Variants in CACNG2 observed in about 807,000 individuals in gnomAD.
CACNG2 encodes calcium voltage-gated channel auxiliary subunit gamma 2, also known as voltage-dependent calcium channel gamma-2 subunit.
In CACNG2, 3 loss-of-function variants were observed where a neutral mutation model predicts 25.9. The ratio of observed to expected loss-of-function variants is 0.12; its 90% confidence interval spans 0.05 to 0.30. The LOEUF (loss-of-function observed/expected upper bound fraction) is 0.30. CACNG2 is among the 10% of genes least tolerant of loss of function. The probability of loss-of-function intolerance (pLI) is 1.00; values close to 1 mark genes in which losing one functional copy is unlikely to be tolerated. For synonymous variants in CACNG2, 167 were observed against 173.3 expected (o/e 0.96, Z 0.29); for missense variants, 341 against 432.5 (o/e 0.79, Z 1.88).
intron 2 of CACNG2, among the ~76,000 whole-genome samples, chr22:36,576,725 G>A (rs575051396): frequency 2.0e-5 from 3 of 152,150 alleles, no homozygotes; most frequent in Non-Finnish European, 2.9e-5. Context: ...GATGCAGCCC[G>A]CTTGGGGTCT....
At chr22:36,639,862 C>T (rs1013965602) in intron 1 of CACNG2, among the ~76,000 whole-genome samples, 5 of 152,262 alleles carry the variant, frequency 3.3e-5, no homozygotes, top group Admixed American at 3.3e-4. Flanking sequence ...ACCCTGAGGC[C>T]CTGTCATCTG....
At chr22:36,648,795 C>T (rs576380404) in intron 1 of CACNG2, among the ~76,000 whole-genome samples, 4 of 152,208 alleles carry the variant, frequency 2.6e-5, no homozygotes, top group South Asian at 4.2e-4. Context: ...TCTCCAATAC[C>T]GATCATATCC....
chr22:36,644,893 C>T (rs1936495901), intron 1 of CACNG2, among the ~76,000 whole-genome samples: 1 of 152,006 alleles, frequency 6.6e-6, no homozygotes, highest in Non-Finnish European at 1.5e-5. Context: ...GGATGACGAA[C>T]CTGGCAGAGT....
chr22:36,566,282 G>T, intron 3 of CACNG2, 71 bp downstream of exon 3: 1 of 1,442,026 alleles, frequency 6.9e-7, no homozygotes, highest in South Asian at 1.1e-5. Context: ...TCTCTGCCAG[G>T]CCCTCGTGGC....
intron 1 of CACNG2, among the ~76,000 whole-genome samples, chr22:36,693,595 A>T (rs529520021): frequency 2.0e-5 from 3 of 152,124 alleles, no homozygotes; most frequent in Non-Finnish European, 4.4e-5. Context: ...GCTGAAACAC[A>T]AATGTCTCTG....
At position 36,580,287 on chromosome 22, in the gene CACNG2, T is replaced by C. The variant is rs73413786; in HGVS notation, c.295+7178A>G. 4.9e-3 allele frequency among the ~76,000 whole-genome samples: 746 copies of C among 152,276 alleles called. 5 individuals carry two copies. The highest frequency in any genetic ancestry group is 0.017 in the African/African-American group (722 of 41,554). ...CCCCAGACGGCCATCGTATGGGTCC[T>C]CCCTGCCTTGGCCGCCTTCTGCCTC... On this transcript the variant is annotated intron_variant, in intron 2 of 3. Coordinates refer to ENST00000300105, the MANE Select transcript of CACNG2 (RefSeq NM_006078.5).
intron 1 of CACNG2, among the ~76,000 whole-genome samples, chr22:36,615,021 C>A (rs1015507181): frequency 6.6e-6 from 1 of 152,224 alleles, no homozygotes; most frequent in African/African-American, 2.4e-5. Flanking sequence ...CTTCCTATCT[C>A]CCTCTCTAGC....
chr22:36,696,527 C>T (rs1364353982), intron 1 of CACNG2, among the ~76,000 whole-genome samples: 2 of 152,330 alleles, frequency 1.3e-5, no homozygotes, highest in Admixed American at 1.3e-4. Context: ...GTCATGGGTT[C>T]ATTCATTAAC....
At chr22:36,616,499 C>T (rs888189626) in intron 1 of CACNG2, among the ~76,000 whole-genome samples, 22 of 152,270 alleles carry the variant, frequency 1.4e-4, no homozygotes, top group African/African-American at 5.3e-4. Context: ...CACCTGTCTC[C>T]CCAGCGAGAG....
intron 1 of CACNG2, among the ~76,000 whole-genome samples, chr22:36,690,730 T>C (rs1429120151): frequency 1.3e-5 from 2 of 152,194 alleles, no homozygotes; most frequent in Non-Finnish European, 1.5e-5. Flanking sequence ...TGAGCTGACA[T>C]GAACTCCAGG....
rs114264758 is a variant in CACNG2 at position 36,698,428 on chromosome 22, G to A, written c.211+3938C>T. Among the ~76,000 whole-genome samples, 1,363 of 152,284 alleles carry A rather than the reference G, an allele frequency of 9.0e-3. 17 individuals are homozygous for A. Among genetic ancestry groups the A allele is most frequent in the African/African-American group, 0.031 (1,286 of 41,540 alleles). On this transcript the variant is annotated intron_variant, in intron 1 of 3. Transcript: ENST00000300105. ...AGCCCACCCATGCTAGAAGGCAAGC[G>A]TGTCTGGGAAAGGCTATTGGCTTTC...
At chr22:36,578,188 C>T (rs1935357136) in intron 2 of CACNG2, among the ~76,000 whole-genome samples, 2 of 151,854 alleles carry the variant, frequency 1.3e-5, no homozygotes, top group Admixed American at 1.3e-4. Flanking sequence ...ATGGTGAAAC[C>T]CCGTCTCTAC....
At chr22:36,633,262 T>C (rs1408693767) in intron 1 of CACNG2, among the ~76,000 whole-genome samples, 1 of 152,268 alleles carries the variant, frequency 6.6e-6, no homozygotes, top group Non-Finnish European at 1.5e-5. Flanking sequence ...TATCTTCAGA[T>C]TCTATAACAG....
At chr22:36,572,468 G>A (rs895625441) in intron 2 of CACNG2, among the ~76,000 whole-genome samples, 2 of 152,176 alleles carry the variant, frequency 1.3e-5, no homozygotes, top group Non-Finnish European at 2.9e-5. Context: ...TTGGGAGGCC[G>A]AGGGGGCTGG....
At chr22:36,690,352 A>G (rs1162667785) in intron 1 of CACNG2, among the ~76,000 whole-genome samples, 1 of 109,700 alleles carries the variant, frequency 9.1e-6, no homozygotes, top group African/African-American at 3.3e-5. Context: ...GGTTACAAAA[A>G]TCTTTTTTTT....
intron 1 of CACNG2, among the ~76,000 whole-genome samples, chr22:36,643,630 G>A (rs1314780943): frequency 6.6e-6 from 1 of 152,096 alleles, no homozygotes; most frequent in African/African-American, 2.4e-5. Context: ...GAGAAGTAAA[G>A]AAACACCAAT....
intron 2 of CACNG2, among the ~76,000 whole-genome samples, chr22:36,581,605 C>T (rs926657563): frequency 6.6e-6 from 1 of 152,128 alleles, no homozygotes; most frequent in Admixed American, 6.5e-5. Context: ...GGGAGTTACC[C>T]CAGACACCTC....
intron 2 of CACNG2, among the ~76,000 whole-genome samples, chr22:36,573,126 C>T (rs1485542432): frequency 2.0e-5 from 3 of 152,130 alleles, no homozygotes; most frequent in East Asian, 1.9e-4. Flanking sequence ...TAGAGTATGC[C>T]GAGGACTGTT....
chr22:36,661,995 T>C (rs1205808152), intron 1 of CACNG2, among the ~76,000 whole-genome samples: 1 of 130,212 alleles, frequency 7.7e-6, no homozygotes, highest in African/African-American at 3.6e-5. Flanking sequence ...TTTTTTTTTT[T>C]TTCAGACGGA....
Sources: allele counts gnomAD v4.1 joint callset (sites outside exome capture counted in the v4.1 genomes callset), GRCh38; gene constraint gnomAD v4.1.1; transcripts MANE v1.5; gene names NCBI Gene and HGNC (gene_info 2026-07-23, HGNC 2026-07-21).